MBTD1: variants seen among roughly 807,000 people sequenced by gnomAD.
The protein encoded by MBTD1 is MBT domain-containing protein 1.
In MBTD1, 24 loss-of-function variants were observed where a neutral mutation model predicts 87.8. The observed-to-expected ratio is 0.27, with a 90% confidence interval of 0.20 to 0.38. The LOEUF (loss-of-function observed/expected upper bound fraction) is 0.38, where lower values mean the gene tolerates loss of function less well. Among genes scored for constraint, MBTD1 ranks in the 10% least tolerant of loss-of-function variants. The probability of loss-of-function intolerance (pLI) is 1.00; values close to 1 mark genes in which losing one functional copy is unlikely to be tolerated. For synonymous variants in MBTD1, 237 were observed against 248.6 expected (o/e 0.95, Z 0.44); for missense variants, 436 against 760.2 (o/e 0.57, Z 5.02).
At chr17:51,233,295 C>A (rs2053644722) in intron 2 of MBTD1, among the ~76,000 whole-genome samples, 1 of 151,950 alleles carries the variant, frequency 6.6e-6, no homozygotes, top group African/African-American at 2.4e-5. Context: ...AGTACCTAAA[C>A]ATTAAGGCCT....
At chr17:51,210,833 A>G (rs2052153070) in intron 6 of MBTD1, among the ~76,000 whole-genome samples, 1 of 151,806 alleles carries the variant, frequency 6.6e-6, no homozygotes, top group Non-Finnish European at 1.5e-5. Flanking sequence ...TTTTTAAAAA[A>G]CCATATTAAA....
At chr17:51,229,189 C>A (rs1191349096) in intron 2 of MBTD1, among the ~76,000 whole-genome samples, 1 of 152,026 alleles carries the variant, frequency 6.6e-6, no homozygotes, top group Admixed American at 6.6e-5. Flanking sequence ...AAAACAAAAC[C>A]AAACCATTAC....
At chr17:51,195,899 G>T (rs1026621202) in intron 12 of MBTD1, among the ~76,000 whole-genome samples, 2 of 152,068 alleles carry the variant, frequency 1.3e-5, no homozygotes. Context: ...AGAGACTGTT[G>T]TAACAAGTAC....
At chr17:51,203,315 C>G (rs1018174039) in intron 8 of MBTD1, 87 bp from the exon 9 acceptor site, 4 of 691,166 alleles carry the variant, frequency 5.8e-6, no homozygotes, top group African/African-American at 3.7e-5. Context: ...AATTTCCTTG[C>G]AAAGTCAGGC....
chr17:51,258,417 C>T (rs2055218291), intron 2 of MBTD1, among the ~76,000 whole-genome samples: 1 of 151,748 alleles, frequency 6.6e-6, no homozygotes, highest in Non-Finnish European at 1.5e-5. Context: ...CTGGTGCATG[C>T]TAATATAAGG....
intron 12 of MBTD1, among the ~76,000 whole-genome samples, chr17:51,200,729 T>G (rs1179793425): frequency 6.6e-6 from 1 of 151,446 alleles, no homozygotes; most frequent in East Asian, 1.9e-4. Flanking sequence ...CCGGGCGTGG[T>G]GGCATGCACC....
At position 51,247,441 on chromosome 17, in the gene MBTD1, CT is replaced by C. The variant is rs58720477; in HGVS notation, c.-49+11701del. Among the ~76,000 whole-genome samples, 818 of 131,962 alleles carry C rather than the reference CT, an allele frequency of 6.2e-3. 2 individuals are homozygous for C. Among genetic ancestry groups the C allele is most frequent in the African/African-American group, 0.018 (602 of 33,746 alleles). The allele number at this position is 131,962 out of a possible 152,430, so 86.6% of individuals were successfully genotyped here. On this transcript the variant is annotated intron_variant, in intron 2 of 16. Coordinates refer to ENST00000586178, the MANE Select transcript of MBTD1 (RefSeq NM_017643.3). ...TGATCAGGCTAAGAAATCAGTATTA[CT>C]TTTTTTTTTTTTTTTTTTTTTGGAG...
chr17:51,182,726 T>C (rs2050372765), intron 16 of MBTD1, among the ~76,000 whole-genome samples: 1 of 152,212 alleles, frequency 6.6e-6, no homozygotes, highest in Non-Finnish European at 1.5e-5. Flanking sequence ...CTCTATTATG[T>C]ATCTTTTCAT....
intron 12 of MBTD1, among the ~76,000 whole-genome samples, chr17:51,201,163 T>C (rs1345933963): frequency 6.6e-6 from 1 of 151,828 alleles, no homozygotes; most frequent in Non-Finnish European, 1.5e-5. Flanking sequence ...AACCCAAGAA[T>C]TTCTCTTCTA....
In MBTD1 at chr17:51,193,445, C is replaced by T; in HGVS notation, c.1438G>A (p.Val480Ile). ...LRETGSIAAP[V>I]KLFNKDVPNH... is the part of the protein sequence containing the mutation. The stretch of plus-strand genomic sequence containing the variant: ...AAATTTACCTTATTAAATAGTTTTA[C>T]TGGTGCTGCAATGGAGCCAGTTTCC... The change falls in exon 14 of 17, where the codon GTA becomes ATA. Residue 480 changes from valine to isoleucine, a missense_variant. By Grantham distance (29) the Val-to-Ile change is conservative. Transcript: ENST00000586178. 1 of 1,611,954 alleles carries T rather than the reference C, an allele frequency of 6.2e-7. No individual in the cohort carries two copies. The highest frequency in any genetic ancestry group is 1.1e-5 in the South Asian group (1 of 90,866).
At chr17:51,210,425 C>G (rs1025450043) in intron 6 of MBTD1, among the ~76,000 whole-genome samples, 1 of 151,984 alleles carries the variant, frequency 6.6e-6, no homozygotes, top group African/African-American at 2.4e-5. Flanking sequence ...TGAGATAATG[C>G]TATGTATATG....
chr17:51,218,186 T>C (rs1568193337), intron 5 of MBTD1, among the ~76,000 whole-genome samples: 1 of 152,090 alleles, frequency 6.6e-6, no homozygotes, highest in African/African-American at 2.4e-5. Flanking sequence ...CTCTTATTGC[T>C]CTCCTCATTA....
chr17:51,218,991 A>G lies in MBTD1; in HGVS notation c.342T>C (p.Ala114=), dbSNP rs2052735368. 1.3e-6 allele frequency: 2 copies of G among 1,551,344 alleles called. No homozygotes were observed. The change falls in exon 5 of 17, where the codon GCT becomes GCC. Residue 114 remains alanine, a synonymous_variant. Transcript: ENST00000586178. ...AKVLQKQPLV[A]KLAAYAQYQA... ...GATACTGAGCATATGCGGCTAGCTT[A>G]GCAACTAAAGGTTGTTTCTGAAGAA...
chr17:51,226,462 C>T (rs1181613250), intron 2 of MBTD1, among the ~76,000 whole-genome samples: 1 of 151,290 alleles, frequency 6.6e-6, no homozygotes, highest in African/African-American at 2.4e-5. Context: ...GAGATCATGC[C>T]ACTGCACTCC....
At chr17:51,260,492 C>G, upstream of MBTD1, 4 of 1,393,218 alleles carry the variant, frequency 2.9e-6, no homozygotes, top group Non-Finnish European at 3.8e-6. Context: ...CCTTCCGGCC[C>G]CCGGGGCTTC....
At chr17:51,206,233 AC>A (rs1310972678) in intron 7 of MBTD1, among the ~76,000 whole-genome samples, 1 of 152,216 alleles carries the variant, frequency 6.6e-6, no homozygotes, top group Non-Finnish European at 1.5e-5. Flanking sequence ...AAAATTATCA[AC>A]ACTTGTATCA....
intron 6 of MBTD1, among the ~76,000 whole-genome samples, chr17:51,210,961 A>G (rs142591755): frequency 2.3e-3 from 351 of 151,756 alleles, no homozygotes; most frequent in Middle Eastern, 6.8e-3. Context: ...ACAAGGTGAA[A>G]CCCTGTCTCT....
chr17:51,219,037 G>A lies in MBTD1; in HGVS notation c.296C>T (p.Pro99Leu). ...AAGAACTTTTGCTTTCTTTGTTGGA[G>A]GCTTACCCTAAAACAAGAAAAGTTA... The part of the protein sequence containing the change: ...ASILARLQGK[P>L]PTKKAKVLQK... The change falls in exon 5 of 17, where the codon CCT becomes CTT. Residue 99 changes from proline to leucine, a missense_variant. This residue lies in a region of MBTD1 where 18 missense variants were observed against 107.8 expected (regional missense o/e 0.17). Transcript: ENST00000586178. 6.5e-7 allele frequency: 1 copy of A among 1,534,918 alleles called. No homozygotes were observed. Among genetic ancestry groups the A allele is most frequent in the Non-Finnish European group, 8.8e-7 (1 of 1,131,928 alleles).
At chr17:51,190,750 A>ATAT (rs1188320210) in intron 16 of MBTD1, among the ~76,000 whole-genome samples, 1 of 39,694 alleles carries the variant, frequency 2.5e-5, no homozygotes, top group Admixed American at 4.1e-4. Flanking sequence ...AAAAAAAAAA[A>ATAT]ATATATATAT....
Sources: gnomAD v4.1 joint callset for allele counts (sites outside exome capture counted in the v4.1 genomes callset) on GRCh38, gnomAD v4.1.1 for gene constraint, gnomAD v4.1.1 regional missense constraint, MANE v1.5 for transcripts, NCBI Gene and HGNC (gene_info 2026-07-23, HGNC 2026-07-21) for gene names.